The following WDFY4 variants were observed in gnomAD, a reference collection of about 807,000 sequenced individuals.
The protein encoded by WDFY4 is WD repeat- and FYVE domain-containing protein 4.
Under a neutral mutation model 351.9 loss-of-function variants are expected in WDFY4, and 169 were observed. The ratio of observed to expected loss-of-function variants is 0.48; its 90% CI spans 0.42 to 0.55. The LOEUF (loss-of-function observed/expected upper bound fraction) is 0.55. WDFY4 is among the 20% of genes least tolerant of loss of function. WDFY4 has a pLI of 0.00. For missense variants in WDFY4, 3,803 were observed against 3,935.6 expected (o/e 0.97, Z 0.90); for synonymous variants, 1,622 against 1,574.6 (o/e 1.03, Z -0.71).
At chr10:48,916,275 G>A (rs1838522545) in intron 47 of WDFY4, among the ~76,000 whole-genome samples, 2 of 152,226 alleles carry the variant, frequency 1.3e-5, no homozygotes, top group African/African-American at 4.8e-5. Flanking sequence ...AAAGATTTCT[G>A]ATTTCCAACA....
At chr10:48,804,885 A>G (rs1220936173) in intron 25 of WDFY4, 1 of 624,594 alleles carries the variant, frequency 1.6e-6, no homozygotes, top group Non-Finnish European at 2.0e-6. Context: ...CAGACAAGCT[A>G]GTGAAGGGCC....
chr10:48,965,984 C>G (rs1842064540), intron 54 of WDFY4, among the ~76,000 whole-genome samples: 1 of 152,122 alleles, frequency 6.6e-6, no homozygotes, highest in African/African-American at 2.4e-5. Context: ...GCATTAGGCA[C>G]AATCTGATGG....
chr10:48,843,832 T>C (rs1254633917), intron 39 of WDFY4, among the ~76,000 whole-genome samples: 1 of 152,230 alleles, frequency 6.6e-6, no homozygotes. Flanking sequence ...TTTTTAATTT[T>C]TAAAAATTAT....
chr10:48,739,195 T>C (rs950755541), intron 11 of WDFY4, among the ~76,000 whole-genome samples: 7 of 152,182 alleles, frequency 4.6e-5, no homozygotes, highest in Non-Finnish European at 8.8e-5. Flanking sequence ...TAACAAATAA[T>C]AGAATGTGAA....
rs1301792379 is a variant in WDFY4, at chr10:48,775,766, T to A, written c.2823T>A (p.Leu941=). ...CTCTGTCGGCCACAACAAAAATCCTTGATTCATCTCACACACACAGAGGCA... is the reference window on the plus strand; with the variant it reads ...CTCTGTCGGCCACAACAAAAATCCTAGATTCATCTCACACACACAGAGGCA... ...PSSLSATTKI[L]DSSHTHRGNP... Residue 941 remains leucine (L), a synonymous_variant, in exon 15 of 62, where the codon CTT becomes CTA. Coordinates refer to ENST00000325239, the MANE Select transcript of WDFY4 (RefSeq NM_001394531.1). 6.4e-7 allele frequency: 1 copy of A among 1,551,750 alleles called. No individual in the cohort carries two copies.
chr10:48,931,810 G>T (rs7393385), intron 47 of WDFY4, among the ~76,000 whole-genome samples: 135,183 of 152,054 alleles, frequency 0.89, 61,534 homozygotes, highest in East Asian at 1. Flanking sequence ...ACTAGACACT[G>T]CCTCCAATAA....
chr10:48,823,164 GA>G (rs1206313469), intron 35 of WDFY4: 1 of 1,287,114 alleles, frequency 7.8e-7, no homozygotes, highest in East Asian at 5.6e-5. Flanking sequence ...CATTGAAAGA[GA>G]CCTTTTTTTT....
chr10:48,932,959 G>C (rs2377630), intron 47 of WDFY4, among the ~76,000 whole-genome samples: 42,062 of 151,976 alleles, frequency 0.28, 5,937 homozygotes, highest in Admixed American at 0.36. Context: ...GCAGTGCAAG[G>C]TGGGCCATGT....
At chr10:48,685,258 T>C (rs1334415690) in intron 1 of WDFY4, among the ~76,000 whole-genome samples, 4 of 152,042 alleles carry the variant, frequency 2.6e-5, no homozygotes, top group East Asian at 3.9e-4. Flanking sequence ...CTGCTGAAGT[T>C]TGGGAGTCAG....
intron 12 of WDFY4, chr10:48,745,745 T>C (rs2064990190): frequency 7.5e-6 from 4 of 533,292 alleles, no homozygotes; most frequent in Non-Finnish European, 1.4e-5. Flanking sequence ...GCAAACTCTC[T>C]TGTGGGCTTC....
At chr10:48,804,970 A>G (rs917325537) in intron 25 of WDFY4, among the ~76,000 whole-genome samples, 1 of 152,016 alleles carries the variant, frequency 6.6e-6, no homozygotes, top group Non-Finnish European at 1.5e-5. Context: ...TTCTGAGGCC[A>G]GCACTAGTTT....
chr10:48,926,175 C>T (rs1839557718), intron 47 of WDFY4, among the ~76,000 whole-genome samples: 1 of 152,218 alleles, frequency 6.6e-6, no homozygotes, highest in Non-Finnish European at 1.5e-5. Flanking sequence ...GGAAGCCATC[C>T]TGGAATCCTA....
intron 57 of WDFY4, among the ~76,000 whole-genome samples, chr10:48,971,452 C>T (rs964283742): frequency 2.0e-5 from 3 of 151,360 alleles, no homozygotes; most frequent in African/African-American, 4.9e-5. Flanking sequence ...GCAGAGATTG[C>T]GCCACTACAC....
intron 39 of WDFY4, among the ~76,000 whole-genome samples, chr10:48,845,974 G>C (rs755152108): frequency 1.3e-5 from 2 of 152,192 alleles, no homozygotes; most frequent in African/African-American, 2.4e-5. Context: ...TGGAGAATAG[G>C]GACACGGGGT....
chr10:48,732,021 G>A (rs540776336), intron 9 of WDFY4, among the ~76,000 whole-genome samples: 6 of 152,224 alleles, frequency 3.9e-5, no homozygotes, highest in South Asian at 2.1e-4. Flanking sequence ...GGCCCAGCAC[G>A]CCCCTCCAAG....
At chr10:48,941,369 G>A (rs1164206292) in intron 47 of WDFY4, among the ~76,000 whole-genome samples, 1 of 152,198 alleles carries the variant, frequency 6.6e-6, no homozygotes, top group Non-Finnish European at 1.5e-5. Flanking sequence ...GGTGACTGTG[G>A]ACCCTTCTTG....
intron 11 of WDFY4, among the ~76,000 whole-genome samples, chr10:48,742,651 AG>A (rs372305003): frequency 9.2e-4 from 140 of 152,274 alleles, no homozygotes; most frequent in African/African-American, 3.2e-3. Context: ...AGGGAATGAG[AG>A]GGGGATGTGT....
At chr10:48,818,950 G>A (rs1565234055) in intron 32 of WDFY4, among the ~76,000 whole-genome samples, 1 of 152,186 alleles carries the variant, frequency 6.6e-6, no homozygotes, top group Non-Finnish European at 1.5e-5. Context: ...CACTTCCCTG[G>A]GCAGGTTTTC....
intron 1 of WDFY4, among the ~76,000 whole-genome samples, chr10:48,690,739 C>T (rs2063170645): frequency 6.6e-6 from 1 of 152,196 alleles, no homozygotes; most frequent in Non-Finnish European, 1.5e-5. Context: ...AGTAACTCCT[C>T]CCTGCAGCTG....
Sources: gnomAD v4.1 joint callset for allele counts (sites outside exome capture counted in the v4.1 genomes callset) on GRCh38, gnomAD v4.1.1 for gene constraint, MANE v1.5 for transcripts, NCBI Gene and HGNC (gene_info 2026-07-23, HGNC 2026-07-21) for gene names.